The following TSR1 variants were observed in gnomAD, a reference collection of about 807,000 sequenced individuals.
The protein encoded by TSR1 is pre-rRNA-processing protein TSR1 homolog.
A neutral mutation model predicts 90.9 loss-of-function variants in TSR1; 81 were observed. That is an observed-to-expected ratio of 0.89 (90% CI 0.74 to 1.07). The LOEUF (loss-of-function observed/expected upper bound fraction) is 1.07. Among genes scored for constraint, TSR1 ranks in the 50% least tolerant of loss-of-function variants. The probability of loss-of-function intolerance (pLI) is 0.00; values close to 1 mark genes in which losing one functional copy is unlikely to be tolerated. For synonymous variants in TSR1, 362 were observed against 348.8 expected (o/e 1.04, Z -0.42); for missense variants, 989 against 987.3 (o/e 1.00, Z -0.02).
chr17:2,336,055 T>C lies in TSR1; in HGVS notation c.183A>G (p.Arg61=). The part of the protein sequence containing the change: ...VDQRHRASQL[R]KQKKEAVLAE... ...CTCTCACCGCCTCCTTCTTCTGCTTTCGGAGCTGGCTGGCGCGATGCCTCT... is the reference window on the plus strand; with the variant it reads ...CTCTCACCGCCTCCTTCTTCTGCTTCCGGAGCTGGCTGGCGCGATGCCTCT... Residue 61 remains arginine (R), a synonymous_variant, in exon 2 of 15, where the codon CGA becomes CGG. Transcript: ENST00000301364. 6.2e-7 allele frequency: 1 copy of C among 1,614,232 alleles called. No homozygotes were observed. The highest frequency in any genetic ancestry group is 8.5e-7 in the Non-Finnish European group (1 of 1,180,032).
chr17:2,332,070 G>T, intron 8 of TSR1, 99 bp downstream of exon 8: 1 of 1,351,870 alleles, frequency 7.4e-7, no homozygotes, highest in Non-Finnish European at 1.0e-6. Flanking sequence ...CAGAAAAAAT[G>T]TGTTTTTCTT....
Position 2,332,307 on chromosome 17 carries a change from G to C in TSR1, c.1358C>G (p.Ser453Cys), listed in dbSNP as rs200867524. 8.1e-6 allele frequency: 13 copies of C among 1,612,962 alleles called. No homozygotes were observed. Among genetic ancestry groups the C allele is most frequent in the Non-Finnish European group, 1.1e-5 (13 of 1,179,776 alleles). Residue 453 changes from serine to cysteine, a missense_variant, in exon 8 of 15, where the codon TCT (serine) becomes TGT (cysteine). Transcript: ENST00000301364. ...EEYETMTIGE[S>C]VHDDLYDKKV... ...CTTATCATACAGATCATCATGCACA[G>C]ACTCCCCAATAGTCATAGTTTCATA... is the stretch of plus-strand genomic sequence containing the variant.
intron 11 of TSR1, among the ~76,000 whole-genome samples, chr17:2,328,693 G>A (rs1345687980): frequency 6.6e-6 from 1 of 151,280 alleles, no homozygotes; most frequent in Non-Finnish European, 1.5e-5. Context: ...GAGGCGGGCG[G>A]CTCACGAGGT....
At chr17:2,330,438 A>T in intron 10 of TSR1, 77 bp downstream of exon 10, 1 of 1,395,188 alleles carries the variant, frequency 7.2e-7, no homozygotes, top group Non-Finnish European at 1.0e-6. Flanking sequence ...TTAGTCACAC[A>T]TAAACAGAAT....
rs746077123 is a variant in TSR1, at chr17:2,324,158, C to T, written c.*38G>A. ...ACTTGTGCCTCCCATCCCTGGAGTACTGACTGGCACCGGTAAGACAGAATC... is the reference window on the plus strand; with the variant it reads ...ACTTGTGCCTCCCATCCCTGGAGTATTGACTGGCACCGGTAAGACAGAATC... On this transcript the variant is annotated 3_prime_UTR_variant, in exon 15 of 15. Transcript: ENST00000301364. 3.3e-6 allele frequency: 5 copies of T among 1,511,812 alleles called. No individual in the cohort carries two copies. Among genetic ancestry groups the T allele is most frequent in the Non-Finnish European group, 4.4e-6 (5 of 1,134,706 alleles). The allele number at this position is 1,511,812 out of a possible 1,614,324, so 93.6% of individuals were successfully genotyped here.
At chr17:2,335,032 G>A in intron 4 of TSR1, 136 bp from the exon 5 acceptor site, 1 of 1,113,552 alleles carries the variant, frequency 9.0e-7, no homozygotes, top group Non-Finnish European at 1.3e-6. Context: ...CTACCCTGAA[G>A]GAATTTCACA....
intron 5 of TSR1, 25 bp downstream of exon 5, chr17:2,334,447 C>G (rs750385391): frequency 6.3e-6 from 10 of 1,594,426 alleles, no homozygotes; most frequent in Non-Finnish European, 8.6e-6. Flanking sequence ...TTCATATGAA[C>G]ATGAATTAAG....
chr17:2,329,610 G>T, intron 10 of TSR1, 135 bp from the exon 11 acceptor site: 1 of 1,101,114 alleles, frequency 9.1e-7, no homozygotes, highest in Non-Finnish European at 1.3e-6. Context: ...GTGGAGTGTA[G>T]ATGCTGAAAC....
intron 11 of TSR1, among the ~76,000 whole-genome samples, chr17:2,327,477 C>A (rs925827015): frequency 2.6e-5 from 4 of 151,762 alleles, no homozygotes; most frequent in Middle Eastern, 3.4e-3. Flanking sequence ...TCAAGCGATC[C>A]TCCTGCCTCA....
rs553218976 is a variant in TSR1, at chr17:2,323,923, C to G, written c.*273G>C. 20 of 1,515,800 alleles carry G rather than the reference C, an allele frequency of 1.3e-5. No homozygotes were observed. The highest frequency in any genetic ancestry group is 3.4e-4 in the Middle Eastern group (2 of 5,838). 93.9% of individuals were successfully genotyped at this position (1,515,800 alleles called of 1,614,324 possible). On this transcript the variant is annotated 3_prime_UTR_variant, in exon 15 of 15. Coordinates refer to ENST00000301364, the MANE Select transcript of TSR1 (RefSeq NM_018128.5). ...ATTCAGTGTCTTTAGATACTGAAGA[C>G]ATTTTGTTTCCTAGTATTGTCAACT...
rs1162899574 is a variant in TSR1 at position 2,323,366 on chromosome 17, G to T, written c.*830C>A. ...TTAAGGTGAGGCTCCAGCAAGAAAAGAAATAGCAAAGCATGGTGTAACTTC... is the reference window on the plus strand; with the variant it reads ...TTAAGGTGAGGCTCCAGCAAGAAAATAAATAGCAAAGCATGGTGTAACTTC... On this transcript the variant is annotated 3_prime_UTR_variant, in exon 15 of 15. Transcript: ENST00000301364. 1.9e-6 allele frequency: 3 copies of T among 1,613,466 alleles called. No individual in the cohort carries two copies. The highest frequency in any genetic ancestry group is 2.2e-5 in the East Asian group (1 of 44,878).
In TSR1 at chr17:2,335,738, T is replaced by C. The variant is rs751805195; in HGVS notation, c.202-8A>G. ...TCTCTTCTCTGCCAGAACCTGAAAA[T>C]AGAAAGATATCCGAGAACATCTCAG... On this transcript the variant is annotated splice_region_variant and splice_polypyrimidine_tract_variant and intron_variant, in intron 2 of 14. Coordinates refer to ENST00000301364, the MANE Select transcript of TSR1 (RefSeq NM_018128.5). The C allele has an allele frequency of 5.6e-6, 9 of 1,610,868 alleles. No homozygotes were observed. The highest frequency in any genetic ancestry group is 4.5e-5 in the East Asian group (2 of 44,866).
At chr17:2,331,944 C>T (rs2151441219) in intron 8 of TSR1, among the ~76,000 whole-genome samples, 1 of 152,266 alleles carries the variant, frequency 6.6e-6, no homozygotes, top group South Asian at 2.1e-4. Flanking sequence ...TTAGTATTTC[C>T]CCTTCATTCA....
chr17:2,331,749 G>C (rs2064005183), intron 8 of TSR1, among the ~76,000 whole-genome samples: 1 of 152,096 alleles, frequency 6.6e-6, no homozygotes, highest in Non-Finnish European at 1.5e-5. Context: ...CTAATACATA[G>C]CCTTACCTCC....
At position 2,330,983 on chromosome 17, in the gene TSR1, A is replaced by T. The variant is rs755269137; in HGVS notation, c.1623T>A (p.Phe541Leu). 1.9e-6 allele frequency: 3 copies of T among 1,604,620 alleles called. No homozygotes were observed. Among genetic ancestry groups the T allele is most frequent in the Non-Finnish European group, 2.5e-6 (3 of 1,177,614 alleles). Residue 541 changes from phenylalanine (F) to leucine (L), a missense_variant, in exon 9 of 15, where the codon TTT (phenylalanine) becomes TTA (leucine). Coordinates refer to ENST00000301364, the MANE Select transcript of TSR1 (RefSeq NM_018128.5). Reference sequence around the variant, plus strand: ...CAACCTCTTTTTCTTCAACCTCTTTAAAGATGCTTTTCCTAGTGTTAGTAA... The same window carrying T: ...CAACCTCTTTTTCTTCAACCTCTTTTAAGATGCTTTTCCTAGTGTTAGTAA... ...QNFTNTRKSI[F>L]KEVEEKEVEG... is the part of the protein sequence containing the mutation.
At chr17:2,327,566 T>A (rs2075582662) in intron 11 of TSR1, among the ~76,000 whole-genome samples, 1 of 151,958 alleles carries the variant, frequency 6.6e-6, no homozygotes, top group East Asian at 1.9e-4. Context: ...GTAAATAAAG[T>A]TTTATGCATA....
chr17:2,327,416 C>CAAAA lies in TSR1; in HGVS notation c.1903+1923_1903+1926dup, dbSNP rs770269783. 3.9e-4 allele frequency among the ~76,000 whole-genome samples: 49 copies of CAAAA among 126,618 alleles called. 2 individuals carry two copies. Among genetic ancestry groups the CAAAA allele is most frequent in the South Asian group, 2.4e-3 (9 of 3,780 alleles). 83.1% of individuals were successfully genotyped at this position (126,618 alleles called of 152,430 possible). Reference sequence around the variant, plus strand: ...TTGGTGACAGAGTTGGACTCTATATCAAAAAAAAAAAAAAAAAAATTGTAG... The same window carrying CAAAA: ...TTGGTGACAGAGTTGGACTCTATATCAAAAAAAAAAAAAAAAAAAAAAATTGTAG... On this transcript the variant is annotated intron_variant, in intron 11 of 14. Coordinates refer to ENST00000301364, the MANE Select transcript of TSR1 (RefSeq NM_018128.5).
intron 11 of TSR1, chr17:2,329,118 A>G (rs1420778358): frequency 1.3e-6 from 1 of 772,774 alleles, no homozygotes; most frequent in Non-Finnish European, 2.3e-6. Context: ...ACAAATACTC[A>G]TGGCAAAAAA....
chr17:2,332,429 A>G, intron 7 of TSR1, 70 bp from the exon 8 acceptor site: 1 of 1,331,630 alleles, frequency 7.5e-7, no homozygotes, highest in Non-Finnish European at 1.0e-6. Context: ...CCAATAAGCT[A>G]AGAGTAAAAT....
Sources: gnomAD v4.1 joint callset for allele counts (sites outside exome capture counted in the v4.1 genomes callset) on GRCh38, gnomAD v4.1.1 for gene constraint, MANE v1.5 for transcripts, NCBI Gene and HGNC (gene_info 2026-07-23, HGNC 2026-07-21) for gene names.